Variants in NRCAM observed in about 807,000 individuals in gnomAD.
NRCAM encodes NgCAM-related cell adhesion molecule.
In NRCAM, 83 loss-of-function variants were observed where a neutral mutation model predicts 156.5. That is an observed-to-expected ratio of 0.53 (90% CI 0.44 to 0.64). The LOEUF is 0.64. NRCAM is among the 30% of genes least tolerant of loss of function. NRCAM has a pLI of 0.00. For synonymous variants in NRCAM, 538 were observed against 563.9 expected (o/e 0.95, Z 0.65); for missense variants, 1,417 against 1,597.3 (o/e 0.89, Z 1.92).
At chr7:108,271,694 A>C (rs940648965) in intron 3 of NRCAM, among the ~76,000 whole-genome samples, 5 of 128,400 alleles carry the variant, frequency 3.9e-5, no homozygotes, top group African/African-American at 1.3e-4. Flanking sequence ...ACTCCACGTC[A>C]AAAAAAAAAA....
At chr7:108,251,544 C>T (rs1171069345) in intron 3 of NRCAM, among the ~76,000 whole-genome samples, 1 of 152,160 alleles carries the variant, frequency 6.6e-6, no homozygotes, top group Non-Finnish European at 1.5e-5. Context: ...ATGATGGTTA[C>T]TGAGATGCCA....
chr7:108,214,660 C>T (rs576336424), intron 11 of NRCAM, among the ~76,000 whole-genome samples: 10 of 152,052 alleles, frequency 6.6e-5, no homozygotes, highest in East Asian at 3.9e-4. Flanking sequence ...GAATTTGTTT[C>T]GGTTGCTTCT....
chr7:108,166,943 C>T lies in NRCAM; in HGVS notation c.3444G>A (p.Glu1148=). 6.2e-7 allele frequency: 1 copy of T among 1,613,896 alleles called. No homozygotes were observed. The highest frequency in any genetic ancestry group is 1.3e-5 in the African/African-American group (1 of 75,036). Residue 1148 remains glutamate (E), a synonymous_variant, in exon 30 of 33, where the codon GAG becomes GAA. Coordinates refer to ENST00000379028, the MANE Select transcript of NRCAM (RefSeq NM_001037132.4). Reference sequence around the variant, plus strand: ...CACCTGGGCCTGTCTCAAACACATCCTCTGAACTCACAAAACCAGAGTCCC... The same window carrying T: ...CACCTGGGCCTGTCTCAAACACATCTTCTGAACTCACAAAACCAGAGTCCC... ...AVGDSGFVSS[E]DVFETGPAMA...
rs544341234 is a variant in NRCAM, at chr7:108,331,404, A to C, written c.-173-18673T>G. Among the ~76,000 whole-genome samples, 85 of 151,368 alleles carry C rather than the reference A, an allele frequency of 5.6e-4. 1 individual carries two copies. Among genetic ancestry groups the C allele is most frequent in the African/African-American group, 2.1e-3 (84 of 40,788 alleles). ...CAACAGAGTGAGACCCTGTCTCTAA[A>C]CTTAAAAAAAAAAATAGATATAATC... is the stretch of plus-strand genomic sequence containing the variant. On this transcript the variant is annotated intron_variant, in intron 2 of 32. Coordinates refer to ENST00000379028, the MANE Select transcript of NRCAM (RefSeq NM_001037132.4).
At chr7:108,435,413 GACA>G (rs748551646) in intron 1 of NRCAM, among the ~76,000 whole-genome samples, 76 of 152,226 alleles carry the variant, frequency 5.0e-4, no homozygotes, top group Admixed American at 1.6e-3. Context: ...AAACCCATGG[GACA>G]ACATCAAGCA....
chr7:108,152,588 T>C (rs2042378129), intron 32 of NRCAM, among the ~76,000 whole-genome samples: 1 of 152,116 alleles, frequency 6.6e-6, no homozygotes, highest in African/African-American at 2.4e-5. Context: ...TTAAAAGCAC[T>C]ACTCTGCCAT....
intron 3 of NRCAM, among the ~76,000 whole-genome samples, 195 bp from the exon 4 acceptor site, chr7:108,240,365 T>C (rs530968584): frequency 7.9e-5 from 12 of 152,302 alleles, no homozygotes; most frequent in African/African-American, 2.4e-4. Flanking sequence ...TCAGAGATAT[T>C]AGTAGTGATA....
intron 2 of NRCAM, among the ~76,000 whole-genome samples, chr7:108,353,477 A>G (rs1594794735): frequency 1.2e-5 from 1 of 80,546 alleles, no homozygotes; most frequent in African/African-American, 4.7e-5. Context: ...GTGCCACCAC[A>G]CCCAGATAAT....
chr7:108,413,403 G>A (rs1450380995), intron 1 of NRCAM, among the ~76,000 whole-genome samples: 1 of 152,090 alleles, frequency 6.6e-6, no homozygotes, highest in East Asian at 1.9e-4. Flanking sequence ...AGTTGTTTCA[G>A]TTCCTTATAT....
At chr7:108,430,879 T>C (rs904293062) in intron 1 of NRCAM, among the ~76,000 whole-genome samples, 1 of 152,126 alleles carries the variant, frequency 6.6e-6, no homozygotes, top group Non-Finnish European at 1.5e-5. Flanking sequence ...TGGTAGCTGC[T>C]GAAACTCCAG....
At chr7:108,319,359 C>T (rs1458356502) in intron 2 of NRCAM, among the ~76,000 whole-genome samples, 1 of 152,156 alleles carries the variant, frequency 6.6e-6, no homozygotes, top group Non-Finnish European at 1.5e-5. Context: ...CTGTTCTGGG[C>T]ACTGAGGATG....
rs2153806903 is a variant in NRCAM, at chr7:108,240,046, G to C, written c.19C>G (p.Pro7Ala). 3 of 1,612,590 alleles carry C rather than the reference G, an allele frequency of 1.9e-6. No individual in the cohort carries two copies. In the East Asian group the frequency reaches 6.7e-5, roughly 36 times the overall value. MQLKIMPKKKRLSAGRV... is the reference protein window; with the variant it reads MQLKIMAKKKRLSAGRV... ...CCCGCAGATAAGCGCTTCTTTTTCG[G>C]CATTATTTTAAGCTGCATTAGCTTA... Residue 7 changes from proline (P) to alanine (A), a missense_variant, in exon 4 of 33, where the codon CCG (proline) becomes GCG (alanine). Pro to Ala is a conservative substitution (Grantham distance 27). Coordinates refer to ENST00000379028, the MANE Select transcript of NRCAM (RefSeq NM_001037132.4).
intron 2 of NRCAM, among the ~76,000 whole-genome samples, chr7:108,313,965 T>A (rs941724523): frequency 8.5e-5 from 13 of 152,210 alleles, no homozygotes; most frequent in Admixed American, 7.9e-4. Flanking sequence ...TACTTCATGC[T>A]TCCTACCATG....
At chr7:108,251,597 A>C (rs376276136) in intron 3 of NRCAM, among the ~76,000 whole-genome samples, 1 of 152,212 alleles carries the variant, frequency 6.6e-6, no homozygotes, top group Admixed American at 6.5e-5. Flanking sequence ...AAGACAGCTA[A>C]AAATTAGATC....
intron 3 of NRCAM, among the ~76,000 whole-genome samples, chr7:108,303,678 T>C (rs1394657104): frequency 6.6e-6 from 1 of 152,028 alleles, no homozygotes; most frequent in Non-Finnish European, 1.5e-5. Flanking sequence ...ACTTGGAGTG[T>C]ATCTACTACA....
At chr7:108,179,772 C>G (rs192460403) in intron 25 of NRCAM, among the ~76,000 whole-genome samples, 57 of 152,230 alleles carry the variant, frequency 3.7e-4, no homozygotes, top group Non-Finnish European at 6.2e-4. Context: ...GAAAAGAGCA[C>G]TAAGAAAGAA....
intron 13 of NRCAM, among the ~76,000 whole-genome samples, chr7:108,205,646 C>G (rs548129489): frequency 6.6e-6 from 1 of 152,300 alleles, no homozygotes; most frequent in South Asian, 2.1e-4. Flanking sequence ...TAAATGGACA[C>G]AAAAACTCTG....
intron 6 of NRCAM, among the ~76,000 whole-genome samples, chr7:108,233,012 A>G (rs1019535085): frequency 6.6e-6 from 1 of 152,118 alleles, no homozygotes; most frequent in African/African-American, 2.4e-5. Flanking sequence ...GGTTGGGAGG[A>G]GGTTAAGAGA....
intron 2 of NRCAM, among the ~76,000 whole-genome samples, chr7:108,315,528 T>C (rs2098901752): frequency 6.6e-6 from 1 of 152,168 alleles, no homozygotes; most frequent in Non-Finnish European, 1.5e-5. Flanking sequence ...TGGTCTGAGA[T>C]AAAGCATGTT....
Sources: gnomAD v4.1 joint callset for allele counts (sites outside exome capture counted in the v4.1 genomes callset) on GRCh38, gnomAD v4.1.1 for gene constraint, MANE v1.5 for transcripts, NCBI Gene and HGNC (gene_info 2026-07-23, HGNC 2026-07-21) for gene names.